The following TEPSIN variants were observed in gnomAD, a reference collection of about 807,000 sequenced individuals.
TEPSIN encodes the protein TEPSIN adaptor related protein complex 4 accessory protein.
In TEPSIN, 50 loss-of-function variants were observed where a neutral mutation model predicts 48.5. The ratio of observed to expected loss-of-function variants is 1.03; its 90% CI spans 0.82 to 1.31. The LOEUF is 1.31. Ranked by LOEUF, TEPSIN falls within the 50% of genes most tolerant of loss-of-function variation. The pLI is 0.00. For missense variants in TEPSIN, 838 were observed against 815.9 expected (o/e 1.03, Z -0.33); for synonymous variants, 392 against 358.8 (o/e 1.09, Z -1.05).
chr17:81,232,769 C>T (rs1411868143), intron 7 of TEPSIN: 6 of 489,808 alleles, frequency 1.2e-5, no homozygotes, highest in African/African-American at 2.0e-5. Context: ...TCCCTCTGTC[C>T]TCTGGGGGTG....
Position 81,233,149 on chromosome 17 carries a change from C to T in TEPSIN, c.526+283G>A, listed in dbSNP as rs2062652708. On this transcript the variant is annotated intron_variant, in intron 7 of 12. Coordinates refer to ENST00000637944, the MANE Select transcript of TEPSIN (RefSeq NM_001363764.2). This position sits in a 1 kb window ranked among gnomAD's most constrained non-coding sequence, Gnocchi z 5.8. ...ACAGCCAGGGGCACAGCCCTCGGCC[C>T]CTCTCAGAGTGGGACTCACCCCTGC... 8 of 533,318 alleles carry T rather than the reference C, an allele frequency of 1.5e-5. No individual in the cohort carries two copies. The highest frequency in any genetic ancestry group is 4.9e-4 in the Middle Eastern group (1 of 2,044). The allele number at this position is 533,318 out of a possible 1,614,324, so 33.0% of individuals were successfully genotyped here. A position where few individuals can be genotyped will look rare whatever the true frequency, so the allele number is the denominator to read the frequency against.
chr17:81,230,201 G>A lies in TEPSIN; in HGVS notation c.1233+343C>T. The A allele has an allele frequency of 3.3e-6, 1 of 305,710 alleles. No homozygotes were observed. Among genetic ancestry groups the A allele is most frequent in the South Asian group, 4.4e-5 (1 of 22,512 alleles). 18.9% of individuals were successfully genotyped at this position (305,710 alleles called of 1,614,324 possible). A position where few individuals can be genotyped will look rare whatever the true frequency, so the allele number is the denominator to read the frequency against. ...TTGAGCATGAGCTGTGTCATGGGTGGCAAACTGCATGTGCAGTCAGGGAGG... is the reference window on the plus strand; with the variant it reads ...TTGAGCATGAGCTGTGTCATGGGTGACAAACTGCATGTGCAGTCAGGGAGG... On this transcript the variant is annotated intron_variant, in intron 12 of 12. Coordinates refer to ENST00000637944, the MANE Select transcript of TEPSIN (RefSeq NM_001363764.2). This position sits in a 1 kb window ranked among gnomAD's most constrained non-coding sequence, Gnocchi z 4.2.
chr17:81,237,059 T>G lies in TEPSIN; in HGVS notation c.134A>C (p.Glu45Ala). 6.3e-7 allele frequency: 1 copy of G among 1,593,158 alleles called. No individual in the cohort carries two copies. Residue 45 changes from glutamate (E) to alanine (A), a missense_variant, in exon 3 of 13, where the codon GAG becomes GCG. Physicochemically the swap from Glu to Ala is moderately radical, Grantham distance 107. Transcript: ENST00000637944. ...LFEEIAKISHESPGSSQCLLE... is the reference protein window; with the variant it reads ...LFEEIAKISHASPGSSQCLLE... Reference sequence around the variant, plus strand: ...CAGGCACTGGCTGCTGCCCGGAGACTCGTGGGAGATTTCTGCGGCACGCTC... The same window carrying G: ...CAGGCACTGGCTGCTGCCCGGAGACGCGTGGGAGATTTCTGCGGCACGCTC...
In TEPSIN at chr17:81,233,424, C is replaced by T. The variant is rs192081388; in HGVS notation, c.526+8G>A. ...ATGCCAGAGCCCATGCAGGCCCTCCCCACTCACCCGTGCGGCCGTGTTCCT... is the reference window on the plus strand; with the variant it reads ...ATGCCAGAGCCCATGCAGGCCCTCCTCACTCACCCGTGCGGCCGTGTTCCT... On this transcript the variant is annotated splice_region_variant and intron_variant, in intron 7 of 12. Transcript: ENST00000637944. The surrounding 1 kb of genome is among the most constrained non-coding windows in gnomAD (Gnocchi z 5.8). The T allele has an allele frequency of 2.5e-6, 4 of 1,610,220 alleles. No individual in the cohort carries two copies. The highest frequency in any genetic ancestry group is 3.4e-6 in the Non-Finnish European group (4 of 1,179,454).
intron 4 of TEPSIN, among the ~76,000 whole-genome samples, chr17:81,236,047 T>G (rs746195391): frequency 6.6e-6 from 1 of 152,040 alleles, no homozygotes; most frequent in Non-Finnish European, 1.5e-5. Flanking sequence ...GGTCCAGACA[T>G]GGTGCGCCCA....
intron 3 of TEPSIN, 56 bp downstream of exon 3, chr17:81,236,924 T>A: frequency 6.5e-7 from 1 of 1,537,746 alleles, no homozygotes; most frequent in East Asian, 2.4e-5. Context: ...TGCTCCTCCA[T>A]CCTCACCACC....
chr17:81,230,366 T>C lies in TEPSIN; in HGVS notation c.1233+178A>G. The C allele has an allele frequency of 3.9e-6, 3 of 774,690 alleles. No homozygotes were observed. Among genetic ancestry groups the C allele is most frequent in the Non-Finnish European group, 6.0e-6 (3 of 499,520 alleles). The allele number at this position is 774,690 out of a possible 1,614,324, so 48.0% of individuals were successfully genotyped here. A position where few individuals can be genotyped will look rare whatever the true frequency, so the allele number is the denominator to read the frequency against. On this transcript the variant is annotated intron_variant, in intron 12 of 12. Coordinates refer to ENST00000637944, the MANE Select transcript of TEPSIN (RefSeq NM_001363764.2). The surrounding 1 kb of genome is among the most constrained non-coding windows in gnomAD (Gnocchi z 4.2). ...GTTTGGGTGGAAGGCGGGAAGGCAA[T>C]GGGGAGGTGAGGACCCTGACTTGCT...
At chr17:81,231,754 T>A in intron 9 of TEPSIN, 63 bp from the exon 10 acceptor site, 1 of 1,607,982 alleles carries the variant, frequency 6.2e-7, no homozygotes, top group Non-Finnish European at 8.5e-7. Flanking sequence ...CTGTCTCGCA[T>A]GGGGGAGAAC....
At chr17:81,232,716 A>G in intron 7 of TEPSIN, 198 bp from the exon 8 acceptor site, 1 of 573,040 alleles carries the variant, frequency 1.7e-6, no homozygotes, top group South Asian at 2.4e-5. Context: ...TCCCACTCCC[A>G]GTGGGCCTGG....
At position 81,230,514 on chromosome 17, in the gene TEPSIN, G is replaced by A. The variant is rs764729905; in HGVS notation, c.1233+30C>T. 27 of 1,608,136 alleles carry A rather than the reference G, an allele frequency of 1.7e-5. No homozygotes were observed. Among genetic ancestry groups the A allele is most frequent in the Non-Finnish European group, 2.1e-5 (25 of 1,178,512 alleles). ...ATCTCCCACTGTACCCTTGGACCCCGGTGTGCGTGTGGCCTCCGCAGCTGC... is the reference window on the plus strand; with the variant it reads ...ATCTCCCACTGTACCCTTGGACCCCAGTGTGCGTGTGGCCTCCGCAGCTGC... On this transcript the variant is annotated intron_variant, in intron 12 of 12. Transcript: ENST00000637944. This position sits in a 1 kb window ranked among gnomAD's most constrained non-coding sequence, Gnocchi z 4.2.
In TEPSIN at chr17:81,234,090, G is replaced by A. The variant is rs761164422; in HGVS notation, c.308-42C>T. 13 of 1,528,594 alleles carry A rather than the reference G, an allele frequency of 8.5e-6. No homozygotes were observed. The African/African-American group carries it at 1.8e-4, about 21-fold the overall frequency. 94.7% of individuals were successfully genotyped at this position (1,528,594 alleles called of 1,614,324 possible). A position where few individuals can be genotyped will look rare whatever the true frequency, so the allele number is the denominator to read the frequency against. The stretch of plus-strand genomic sequence containing the variant: ...GCAAGTCGGGGGCAGGGCTGAGCCT[G>A]GCACCGCTGCTCCCTGTGGAGCACG... On this transcript the variant is annotated intron_variant, in intron 4 of 12. Transcript: ENST00000637944. This position sits in a 1 kb window ranked among gnomAD's most constrained non-coding sequence, Gnocchi z 5.4.
Position 81,233,187 on chromosome 17 carries a change from C to G in TEPSIN, c.526+245G>C. 1 of 577,224 alleles carries G rather than the reference C, an allele frequency of 1.7e-6. No individual in the cohort carries two copies. Among genetic ancestry groups the G allele is most frequent in the South Asian group, 2.1e-5 (1 of 47,120 alleles). The allele number at this position is 577,224 out of a possible 1,614,324, so 35.8% of individuals were successfully genotyped here. Reference sequence around the variant, plus strand: ...GACTCACCCCTGCCACGGGGCCCAGCCCTGACTTCTTGCTCGGCCTGGTTT... The same window carrying G: ...GACTCACCCCTGCCACGGGGCCCAGGCCTGACTTCTTGCTCGGCCTGGTTT... On this transcript the variant is annotated intron_variant, in intron 7 of 12. Transcript: ENST00000637944. This position sits in a 1 kb window ranked among gnomAD's most constrained non-coding sequence, Gnocchi z 5.8.
intron 4 of TEPSIN, among the ~76,000 whole-genome samples, chr17:81,235,628 C>T (rs1049484745): frequency 1.3e-5 from 2 of 152,182 alleles, no homozygotes; most frequent in African/African-American, 2.4e-5. Flanking sequence ...GTCCCCGAGA[C>T]CACTGAGGCC....
In TEPSIN at chr17:81,230,399, C is replaced by T. The variant is rs1008136914; in HGVS notation, c.1233+145G>A. On this transcript the variant is annotated intron_variant, in intron 12 of 12. Transcript: ENST00000637944. This position sits in a 1 kb window ranked among gnomAD's most constrained non-coding sequence, Gnocchi z 4.2. ...TGAGGACCCTGACTTGCTGCTGCTCCCTCTGCCAGCGGGACAGGGACTTGA... is the reference window on the plus strand; with the variant it reads ...TGAGGACCCTGACTTGCTGCTGCTCTCTCTGCCAGCGGGACAGGGACTTGA... 4.2e-6 allele frequency: 5 copies of T among 1,182,276 alleles called. No homozygotes were observed. The highest frequency in any genetic ancestry group is 5.4e-5 in the East Asian group (2 of 36,894). 73.2% of individuals were successfully genotyped at this position (1,182,276 alleles called of 1,614,324 possible).
rs142276693 is a variant in TEPSIN at position 81,231,405 on chromosome 17, G to A, written c.1091C>T (p.Thr364Met). ...TCHLRGTSEC[T>M]QLRALCAIAS... ...CCCGCGTGTGCAGCTCACCAGCTGC[G>A]TGCATTCACTGGTCCCACGCAGGTG... The change falls in exon 11 of 13, where the codon ACG becomes ATG. Residue 364 changes from threonine (T) to methionine (M), a missense_variant. Transcript: ENST00000637944. The A allele has an allele frequency of 3.2e-4, 494 of 1,551,860 alleles. No individual in the cohort carries two copies. The African/African-American group carries it at 5.4e-3, about 17-fold the overall frequency.
At chr17:81,235,269 T>C (rs2062700523) in intron 4 of TEPSIN, among the ~76,000 whole-genome samples, 1 of 152,212 alleles carries the variant, frequency 6.6e-6, no homozygotes, top group African/African-American at 2.4e-5. Context: ...AAAGAAAATC[T>C]GTCTGTAACT....
In TEPSIN at chr17:81,229,213, G is replaced by A; in HGVS notation, c.1497C>T (p.Pro499=). ...DASPIPAPGD[P]SEAEARLAES... is the part of the protein sequence containing the mutation. Reference sequence around the variant, plus strand: ...CTGCCAGTCTGGCCTCGGCCTCGCTGGGGTCTCCGGGGGCTGGAATGGGGG... The same window carrying A: ...CTGCCAGTCTGGCCTCGGCCTCGCTAGGGTCTCCGGGGGCTGGAATGGGGG... Residue 499 remains proline, a synonymous_variant, in exon 13 of 13, where the codon CCC becomes CCT. Coordinates refer to ENST00000637944, the MANE Select transcript of TEPSIN (RefSeq NM_001363764.2). The A allele has an allele frequency of 6.2e-7, 1 of 1,604,930 alleles. No individual in the cohort carries two copies. The highest frequency in any genetic ancestry group is 8.5e-7 in the Non-Finnish European group (1 of 1,176,684).
At position 81,230,559 on chromosome 17, in the gene TEPSIN, G is replaced by A. The variant is rs1567900779; in HGVS notation, c.1218C>T (p.Thr406=). The A allele has an allele frequency of 1.2e-6, 2 of 1,611,978 alleles. No homozygotes were observed. The highest frequency in any genetic ancestry group is 8.5e-7 in the Non-Finnish European group (1 of 1,179,350). Residue 406 remains threonine, a synonymous_variant, in exon 12 of 13, where the codon ACC becomes ACT. Coordinates refer to ENST00000637944, the MANE Select transcript of TEPSIN (RefSeq NM_001363764.2). The surrounding 1 kb of genome is among the most constrained non-coding windows in gnomAD (Gnocchi z 4.2). ...AGCTGCCCACCTTGGTGGCCTTGTT[G>A]GTCACAGGTCCCGGGCTGCCCATGC... ...ELSMGSPGPV[T]NKATKILRHF...
rs373509851 is a variant in TEPSIN at position 81,233,879 on chromosome 17, G to A, written c.375+102C>T. On this transcript the variant is annotated intron_variant, in intron 5 of 12. Transcript: ENST00000637944. This position sits in a 1 kb window ranked among gnomAD's most constrained non-coding sequence, Gnocchi z 5.8. ...AGCAAGGAGCAGAGGCAGGGGTCCC[G>A]GATGGGAGAACTGCAAACCCCCCAG... 177 of 1,407,240 alleles carry A rather than the reference G, an allele frequency of 1.3e-4. No individual in the cohort carries two copies. The highest frequency in any genetic ancestry group is 4.3e-4 in the South Asian group (32 of 73,650). 87.2% of individuals were successfully genotyped at this position (1,407,240 alleles called of 1,614,324 possible).
Sources: gnomAD v4.1 joint callset for allele counts (sites outside exome capture counted in the v4.1 genomes callset) on GRCh38, gnomAD v4.1.1 for gene constraint, Gnocchi (gnomAD v3.1) non-coding constraint, MANE v1.5 for transcripts, NCBI Gene and HGNC (gene_info 2026-07-23, HGNC 2026-07-21) for gene names.